SULT1B1: variants seen among roughly 807,000 people sequenced by gnomAD.
SULT1B1 encodes sulfotransferase family 1B member 1.
A neutral mutation model predicts 34.6 loss-of-function variants in SULT1B1; 28 were observed. The observed-to-expected ratio is 0.81, with a 90% CI of 0.60 to 1.11. The LOEUF is 1.11. Ranked by LOEUF, SULT1B1 falls within the 50% of genes least tolerant of loss-of-function variation. The probability of loss-of-function intolerance (pLI) is 0.00; values close to 1 mark genes in which losing one functional copy is unlikely to be tolerated. For synonymous variants in SULT1B1, 147 were observed against 110.2 expected, an observed-to-expected ratio of 1.33 and a Z score of -2.09; for missense variants, 374 against 352.2, an observed-to-expected ratio of 1.06 and a Z score of -0.50.
intron 4 of SULT1B1, among the ~76,000 whole-genome samples, chr4:69,743,958 G>A (rs924736224): frequency 1.3e-5 from 2 of 152,168 alleles, no homozygotes; most frequent in Admixed American, 1.3e-4. Context: ...GGAAGGCAGT[G>A]CTCCTGCCTG....
rs1240046138 is a variant in SULT1B1 at position 69,730,571 on chromosome 4, A to T, written c.708T>A (p.Asn236Lys). 6.2e-7 allele frequency: 1 copy of T among 1,613,228 alleles called. No homozygotes were observed. ...GTAGATGTGTATAATTTACCAAAGG[A>T]TTGTCCTTCATCACTTCAAATGAGG... ...HHTSFEVMKDNPLVNYTHLPT... is the reference protein window; with the variant it reads ...HHTSFEVMKDKPLVNYTHLPT... Residue 236 changes from asparagine (N) to lysine (K), a missense_variant, in exon 7 of 8, where the codon AAT (asparagine) becomes AAA (lysine). Physicochemically the swap from Asn to Lys is moderately conservative, Grantham distance 94 (BLOSUM62 0). Coordinates refer to ENST00000310613, the MANE Select transcript of SULT1B1 (RefSeq NM_014465.4).
intron 7 of SULT1B1, among the ~76,000 whole-genome samples, chr4:69,729,444 A>G (rs184526620): frequency 6.6e-6 from 1 of 152,218 alleles, no homozygotes; most frequent in Non-Finnish European, 1.5e-5. Flanking sequence ...ACATCTGTGT[A>G]TAAGCATACA....
chr4:69,733,314 C>T (rs932873997), intron 6 of SULT1B1, 99 bp downstream of exon 6: 3 of 729,546 alleles, frequency 4.1e-6, no homozygotes, highest in South Asian at 2.8e-5. Context: ...AAGCAATCAT[C>T]ATTTTGGACT....
At position 69,726,954 on chromosome 4, in the gene SULT1B1, A is replaced by G; in HGVS notation, c.*134T>C. 1.8e-6 allele frequency: 1 copy of G among 569,582 alleles called. No individual in the cohort carries two copies. The highest frequency in any genetic ancestry group is 2.8e-6 in the Non-Finnish European group (1 of 352,150). 35.3% of individuals were successfully genotyped at this position (569,582 alleles called of 1,614,324 possible). A position where few individuals can be genotyped will look rare whatever the true frequency, so the allele number is the denominator to read the frequency against. On this transcript the variant is annotated 3_prime_UTR_variant, in exon 8 of 8. Transcript: ENST00000310613. ...ACTGGGATCTGATTAATAACATTGA[A>G]AAGAATCAACATATTAAAAGCATAT...
chr4:69,758,954 C>T (rs1719294947), intron 1 of SULT1B1, among the ~76,000 whole-genome samples: 1 of 152,186 alleles, frequency 6.6e-6, no homozygotes. Flanking sequence ...TCTCAGGTTT[C>T]AACCCAGAAT....
intron 7 of SULT1B1, among the ~76,000 whole-genome samples, chr4:69,727,742 T>A (rs1391782837): frequency 1.3e-5 from 2 of 152,030 alleles, no homozygotes; most frequent in African/African-American, 4.8e-5. Flanking sequence ...TGTTCTTTAT[T>A]TGTAATTTAG....
rs765382528 is a variant in SULT1B1 at position 69,730,526 on chromosome 4, A to G, written c.753T>C (p.His251=). The part of the protein sequence containing the change: ...YTHLPTTVMD[H]SKSPFMRKGT... The stretch of plus-strand genomic sequence containing the variant: ...CTTTACGCATAAAAGGGGATTTGCT[A>G]TGATCCATCACTGTAGTTGGTAGAT... The change falls in exon 7 of 8, where the codon CAT becomes CAC. Residue 251 remains histidine (H), a synonymous_variant. Coordinates refer to ENST00000310613, the MANE Select transcript of SULT1B1 (RefSeq NM_014465.4). 1.9e-6 allele frequency: 3 copies of G among 1,608,352 alleles called. No homozygotes were observed. The South Asian group carries it at 3.3e-5, about 18-fold the overall frequency.
intron 3 of SULT1B1, among the ~76,000 whole-genome samples, chr4:69,751,449 AGTTT>A (rs1221046886): frequency 3.3e-5 from 5 of 151,954 alleles, no homozygotes; most frequent in South Asian, 2.1e-4. Flanking sequence ...CAGGCTCTGG[AGTTT>A]GTTTGTTTGT....
chr4:69,746,114 C>A (rs1718736943), intron 4 of SULT1B1, among the ~76,000 whole-genome samples: 1 of 152,136 alleles, frequency 6.6e-6, no homozygotes. Flanking sequence ...ATGACCTGCC[C>A]CTTTCGCTAG....
At chr4:69,742,374 T>C (rs886969179) in intron 4 of SULT1B1, among the ~76,000 whole-genome samples, 4 of 152,248 alleles carry the variant, frequency 2.6e-5, no homozygotes, top group African/African-American at 9.6e-5. Context: ...AGAATGATGA[T>C]GTCCTCATAG....
rs779328231 is a variant in SULT1B1 at position 69,733,430 on chromosome 4, AG to A, written c.579del (p.Tyr194MetfsTer4). On this transcript the variant is annotated frameshift_variant, in exon 6 of 8. Transcript: ENST00000310613. LOFTEE classifies it high-confidence loss of function. The part of the protein sequence containing the change: ...KKEEHPILFL[Y>X]YEDMKENPKE... The stretch of plus-strand genomic sequence containing the variant: ...CATTTTACCTCTTTCATATCTTCAT[AG>A]TACAAAAAAAGTATTGGGTGTTCTT... 5 of 1,605,588 alleles carry A rather than the reference AG, an allele frequency of 3.1e-6. No homozygotes were observed. In the South Asian group the frequency reaches 5.6e-5, roughly 18 times the overall value.
At position 69,724,999 on chromosome 4, in the gene SULT1B1, A is replaced by G. The variant is rs1717760818; in HGVS notation, c.*2089T>C. On this transcript the variant is annotated 3_prime_UTR_variant, in exon 8 of 8. Coordinates refer to ENST00000310613, the MANE Select transcript of SULT1B1 (RefSeq NM_014465.4). ...GTCTAAAACACCAAAAGCAATGGCA[A>G]CAAAAGCCAAAATTGACAAATGGGA... 6.6e-6 allele frequency: 1 copy of G among 152,178 alleles called. No homozygotes were observed. Among genetic ancestry groups the G allele is most frequent in the South Asian group, 2.1e-4 (1 of 4,836 alleles). 9.4% of individuals were successfully genotyped at this position (152,178 alleles called of 1,614,324 possible).
chr4:69,742,547 C>G (rs1718590579), intron 4 of SULT1B1, among the ~76,000 whole-genome samples: 1 of 152,212 alleles, frequency 6.6e-6, no homozygotes, highest in Non-Finnish European at 1.5e-5. Flanking sequence ...ATTTTCAGGA[C>G]TGGCTACTGG....
rs747784624 is a variant in SULT1B1 at position 69,755,109 on chromosome 4, T to G, written c.109A>C (p.Arg37=). Residue 37 remains arginine (R), a synonymous_variant, in exon 2 of 8, where the codon AGA becomes CGA. Coordinates refer to ENST00000310613, the MANE Select transcript of SULT1B1 (RefSeq NM_014465.4). The part of the protein sequence containing the change: ...NWEKIEQFHS[R]PDDIVIATYP... Reference sequence around the variant, plus strand: ...GTGGCTATCACAATGTCATCTGGTCTGCTATGGAACTGTTCAATTTTTTCC... The same window carrying G: ...GTGGCTATCACAATGTCATCTGGTCGGCTATGGAACTGTTCAATTTTTTCC... 2 of 1,613,796 alleles carry G rather than the reference T, an allele frequency of 1.2e-6. No individual in the cohort carries two copies. Among genetic ancestry groups the G allele is most frequent in the East Asian group, 4.5e-5 (2 of 44,866 alleles).
At chr4:69,727,342 T>A in intron 7 of SULT1B1, 142 bp from the exon 8 acceptor site, 1 of 507,018 alleles carries the variant, frequency 2.0e-6, no homozygotes, top group Non-Finnish European at 3.2e-6. Context: ...TAAATTGTAT[T>A]AACCTTTAAA....
At chr4:69,731,025 A>T (rs1161682397) in intron 6 of SULT1B1, among the ~76,000 whole-genome samples, 1 of 152,164 alleles carries the variant, frequency 6.6e-6, no homozygotes, top group Non-Finnish European at 1.5e-5. Flanking sequence ...TGGACAGGCA[A>T]ATAGAGAACA....
chr4:69,755,985 G>C (rs1020171320), intron 1 of SULT1B1, among the ~76,000 whole-genome samples: 2 of 151,996 alleles, frequency 1.3e-5, no homozygotes, highest in Non-Finnish European at 2.9e-5. Flanking sequence ...GCTTTTCTCT[G>C]TGTGTGTTTC....
chr4:69,755,500 T>A (rs539422412), intron 1 of SULT1B1, among the ~76,000 whole-genome samples: 4 of 152,260 alleles, frequency 2.6e-5, no homozygotes, highest in African/African-American at 9.6e-5. Flanking sequence ...ACTGCATATC[T>A]CTCTTTGAAT....
At chr4:69,727,554 G>A (rs929968541) in intron 7 of SULT1B1, among the ~76,000 whole-genome samples, 46 of 149,412 alleles carry the variant, frequency 3.1e-4, no homozygotes, top group African/African-American at 1.1e-3. Flanking sequence ...TGAGCACTTG[G>A]ATCAATAGTC....
Sources: allele counts gnomAD v4.1 joint callset (sites outside exome capture counted in the v4.1 genomes callset), GRCh38; gene constraint gnomAD v4.1.1; transcripts MANE v1.5; gene names NCBI Gene and HGNC (gene_info 2026-07-23, HGNC 2026-07-21).